The following TRPC7 variants were observed in gnomAD, a reference collection of about 807,000 sequenced individuals.
TRPC7 encodes the protein short transient receptor potential channel 7.
TRPC7 carries 42 observed loss-of-function variants against 90.1 expected under a neutral mutation model. That is an observed-to-expected ratio of 0.47 (90% CI 0.36 to 0.60). The LOEUF is 0.60. Ranked by LOEUF, TRPC7 falls within the 20% of genes least tolerant of loss-of-function variation. The pLI is 0.00. For missense variants in TRPC7, 955 were observed against 1,112.3 expected (o/e 0.86, Z 2.01); for synonymous variants, 451 against 436.3 (o/e 1.03, Z -0.42).
chr5:136,300,069 C>G (rs891832166), intron 3 of TRPC7, among the ~76,000 whole-genome samples: 2 of 152,170 alleles, frequency 1.3e-5, no homozygotes, highest in Admixed American at 1.3e-4. Flanking sequence ...AAGGATTATC[C>G]TTTCATGCAA....
chr5:136,219,501 C>T (rs1031516279), intron 10 of TRPC7, among the ~76,000 whole-genome samples: 8 of 152,176 alleles, frequency 5.3e-5, no homozygotes, highest in African/African-American at 1.4e-4. Flanking sequence ...CACAGTGGCT[C>T]ATGCCTGTAA....
intron 3 of TRPC7, among the ~76,000 whole-genome samples, chr5:136,303,476 C>T (rs1421212681): frequency 6.6e-6 from 1 of 152,126 alleles, no homozygotes; most frequent in Non-Finnish European, 1.5e-5. Flanking sequence ...TTCCTTGCCT[C>T]CACTGTGAGA....
chr5:136,335,186 A>G (rs1440863887), intron 2 of TRPC7, among the ~76,000 whole-genome samples: 1 of 152,122 alleles, frequency 6.6e-6, no homozygotes, highest in Admixed American at 6.5e-5. Flanking sequence ...ATCTGCTGAC[A>G]ATTCCCAGGC....
intron 10 of TRPC7, 103 bp from the exon 11 acceptor site, chr5:136,216,378 C>T (rs1755269835): frequency 8.1e-6 from 7 of 861,540 alleles, no homozygotes; most frequent in African/African-American, 1.7e-5. Flanking sequence ...GCCTCAGCAA[C>T]CATGGCGACC....
At chr5:136,286,255 A>G (rs1407410709) in intron 3 of TRPC7, among the ~76,000 whole-genome samples, 1 of 152,192 alleles carries the variant, frequency 6.6e-6, no homozygotes, top group Non-Finnish European at 1.5e-5. Flanking sequence ...GTCCCATCCC[A>G]CATGCTCTGG....
chr5:136,247,013 T>C lies in TRPC7; in HGVS notation c.1844+458A>G, dbSNP rs1252362564. ...AACTCATGGATTGCAGTCCTAACTT[T>C]ACCCCCAAAGTTTACCACCACAAAA... On this transcript the variant is annotated intron_variant, in intron 7 of 11. Coordinates refer to ENST00000513104, the MANE Select transcript of TRPC7 (RefSeq NM_020389.3). The surrounding 1 kb of genome is among the most constrained non-coding windows in gnomAD (Gnocchi z 4.2). Among the ~76,000 whole-genome samples, 1 of 151,852 alleles carries C rather than the reference T, an allele frequency of 6.6e-6. No homozygotes were observed. The highest frequency in any genetic ancestry group is 2.1e-4 in the South Asian group (1 of 4,822).
At chr5:136,329,259 T>G (rs1464297047) in intron 2 of TRPC7, among the ~76,000 whole-genome samples, 1 of 152,138 alleles carries the variant, frequency 6.6e-6, no homozygotes, top group Non-Finnish European at 1.5e-5. Context: ...GGTATTTTAT[T>G]AGCAACTCAG....
chr5:136,246,677 A>G (rs866264691), intron 7 of TRPC7, among the ~76,000 whole-genome samples: 1 of 151,970 alleles, frequency 6.6e-6, no homozygotes, highest in African/African-American at 2.4e-5. Flanking sequence ...CTTCAGTTTT[A>G]TTTCCCTTAG....
At chr5:136,280,762 T>C (rs149861243) in intron 3 of TRPC7, among the ~76,000 whole-genome samples, 9 of 152,362 alleles carry the variant, frequency 5.9e-5, no homozygotes, top group Non-Finnish European at 1.3e-4. Context: ...ATTCAGAAAG[T>C]ATTTATTTAA....
At chr5:136,217,969 G>C (rs1235987953) in intron 10 of TRPC7, among the ~76,000 whole-genome samples, 1 of 144,382 alleles carries the variant, frequency 6.9e-6, no homozygotes, top group Admixed American at 7.1e-5. Context: ...AGTCAGCCAA[G>C]ATCATGCCAC....
At chr5:136,288,628 C>T (rs554087678) in intron 3 of TRPC7, among the ~76,000 whole-genome samples, 2 of 152,228 alleles carry the variant, frequency 1.3e-5, no homozygotes, top group South Asian at 2.1e-4. Flanking sequence ...AAACAATTTG[C>T]CCAAGCTGAT....
chr5:136,341,890 A>G (rs181647236), intron 2 of TRPC7, among the ~76,000 whole-genome samples: 2 of 152,258 alleles, frequency 1.3e-5, no homozygotes, highest in Non-Finnish European at 2.9e-5. Flanking sequence ...CACCTGAAAT[A>G]TATTATGCAT....
intron 3 of TRPC7, among the ~76,000 whole-genome samples, chr5:136,297,558 C>T (rs575608922): frequency 2.0e-5 from 3 of 152,084 alleles, no homozygotes; most frequent in Admixed American, 6.5e-5. Context: ...TAAGTATACT[C>T]ATTACCCAAA....
At chr5:136,337,054 C>T (rs190956615) in intron 2 of TRPC7, among the ~76,000 whole-genome samples, 1 of 152,256 alleles carries the variant, frequency 6.6e-6, no homozygotes, top group East Asian at 1.9e-4. Flanking sequence ...CTAGTAATGC[C>T]TTGAAGGATC....
At chr5:136,271,892 A>C (rs142249363) in intron 4 of TRPC7, among the ~76,000 whole-genome samples, 35 of 152,340 alleles carry the variant, frequency 2.3e-4, no homozygotes, top group African/African-American at 8.4e-4. Flanking sequence ...ACAATATAAA[A>C]ATAGAATTGA....
intron 10 of TRPC7, among the ~76,000 whole-genome samples, chr5:136,220,321 T>C (rs1048405342): frequency 6.6e-6 from 1 of 152,176 alleles, no homozygotes; most frequent in Admixed American, 6.5e-5. Flanking sequence ...TAAATGGACA[T>C]GCAAGTAGGG....
Position 136,288,107 on chromosome 5 carries a change from AT to A in TRPC7, c.964-13271del, listed in dbSNP as rs542576276. 1.5e-3 allele frequency among the ~76,000 whole-genome samples: 228 copies of A among 150,528 alleles called. 2 individuals carry two copies. The highest frequency in any genetic ancestry group is 3.4e-3 in the Middle Eastern group (1 of 292). ...ATTCCATCATTAGCACAATCACTAG[AT>A]TTTTTTTTTACAAAGGAAGAAACTG... On this transcript the variant is annotated intron_variant, in intron 3 of 11. Transcript: ENST00000513104.
intron 3 of TRPC7, among the ~76,000 whole-genome samples, chr5:136,290,922 A>G (rs1331425708): frequency 3.9e-5 from 6 of 152,242 alleles, no homozygotes; most frequent in Admixed American, 1.3e-4. Context: ...AGGAAAGCCC[A>G]TCAGACTAAC....
chr5:136,276,979 G>A (rs1490840290), intron 3 of TRPC7, among the ~76,000 whole-genome samples: 4 of 152,332 alleles, frequency 2.6e-5, no homozygotes, highest in Non-Finnish European at 5.9e-5. Flanking sequence ...TAGAAGACGC[G>A]ACACATGCTG....
Sources: allele counts gnomAD v4.1 joint callset (sites outside exome capture counted in the v4.1 genomes callset), GRCh38; gene constraint gnomAD v4.1.1; non-coding constraint Gnocchi (gnomAD v3.1); transcripts MANE v1.5; gene names NCBI Gene and HGNC (gene_info 2026-07-23, HGNC 2026-07-21).